The following BORCS8 variants were observed in gnomAD, a reference collection of about 807,000 sequenced individuals.
The protein encoded by BORCS8 is BLOC-1 related complex subunit 8.
A neutral mutation model predicts 18.7 loss-of-function variants in BORCS8; 13 were observed. That is an observed-to-expected ratio of 0.70 (90% CI 0.45 to 1.11). BORCS8 has a LOEUF of 1.11. Ranked by LOEUF, BORCS8 falls within the 50% of genes least tolerant of loss-of-function variation. The pLI is 0.00. For synonymous variants in BORCS8, 68 were observed against 64.8 expected (o/e 1.05, Z -0.24); for missense variants, 165 against 165.7 (o/e 1.00, Z 0.02).
Position 19,177,689 on chromosome 19 carries a change from G to GAAA in BORCS8, c.*43-230_*43-229insTTT, listed in dbSNP as rs1555777396. 5 of 57,240 alleles carry GAAA rather than the reference G, an allele frequency of 8.7e-5. 1 individual carries two copies. The highest frequency in any genetic ancestry group is 3.2e-4 in the African/African-American group (5 of 15,406). The allele number at this position is 57,240 out of a possible 1,614,324, so 3.5% of individuals were successfully genotyped here. On this transcript the variant is annotated intron_variant, in intron 5 of 5. Transcript: ENST00000462790. ...GGAAGGAAGGAAGGAAGGAAGGAAGGAAGGAAGAGAAAAGAAAAGAAAAGA... is the reference window on the plus strand; with the variant it reads ...GGAAGGAAGGAAGGAAGGAAGGAAGGAAAAAGGAAGAGAAAAGAAAAGAAAAGA...
At chr19:19,183,246 A>G (rs1469146083) in intron 3 of BORCS8, among the ~76,000 whole-genome samples, 10 of 152,020 alleles carry the variant, frequency 6.6e-5, no homozygotes, top group Admixed American at 6.5e-4. Context: ...TGTCTCTACT[A>G]AAAATACAAA....
chr19:19,190,105 G>C (rs1417266101), intron 1 of BORCS8, among the ~76,000 whole-genome samples: 2 of 152,072 alleles, frequency 1.3e-5, no homozygotes, highest in African/African-American at 4.8e-5. Context: ...GACCCTCCCT[G>C]ACTACCAAGC....
At position 19,182,780 on chromosome 19, in the gene BORCS8, C is replaced by T. The variant is rs1051372287; in HGVS notation, c.216-97G>A. 22 of 1,421,262 alleles carry T rather than the reference C, an allele frequency of 1.5e-5. No homozygotes were observed. The highest frequency in any genetic ancestry group is 1.9e-5 in the Non-Finnish European group (21 of 1,078,030). The allele number at this position is 1,421,262 out of a possible 1,614,324, so 88.0% of individuals were successfully genotyped here. On this transcript the variant is annotated intron_variant, in intron 3 of 5. Coordinates refer to ENST00000462790, the MANE Select transcript of BORCS8 (RefSeq NM_001145784.2). This position sits in a 1 kb window ranked among gnomAD's most constrained non-coding sequence, Gnocchi z 4.1. ...GTCACCACCAGGGCTCGGTGGGTAC[C>T]TCAGTGATTCTGCGGGCTTCCCGAA...
chr19:19,184,597 C>A (rs1366962139), intron 3 of BORCS8, among the ~76,000 whole-genome samples: 1 of 151,780 alleles, frequency 6.6e-6, no homozygotes, highest in African/African-American at 2.4e-5. Flanking sequence ...CCACCGCGCC[C>A]GGTCTGTTTT....
At chr19:19,191,174 G>A (rs1393758419) in intron 1 of BORCS8, among the ~76,000 whole-genome samples, 1 of 152,048 alleles carries the variant, frequency 6.6e-6, no homozygotes, top group Non-Finnish European at 1.5e-5. Context: ...GCAACAAGGT[G>A]AAACCCCGTC....
At chr19:19,192,031 C>T (rs971277991) in intron 1 of BORCS8, 50 bp downstream of exon 1, 9 of 1,549,050 alleles carry the variant, frequency 5.8e-6, no homozygotes, top group Non-Finnish European at 7.9e-6. Flanking sequence ...GTCAGGCCGC[C>T]CCTCCACAAG....
chr19:19,189,854 C>T (rs2060448579), intron 1 of BORCS8, among the ~76,000 whole-genome samples: 1 of 151,934 alleles, frequency 6.6e-6, no homozygotes, highest in African/African-American at 2.4e-5. Context: ...CAAGTGGAGG[C>T]TGCAGTGAGC....
intron 1 of BORCS8, among the ~76,000 whole-genome samples, chr19:19,188,766 G>A (rs539708843): frequency 6.6e-6 from 1 of 152,056 alleles, no homozygotes; most frequent in South Asian, 2.1e-4. Context: ...GGTGCCCCTC[G>A]CTCAGCCTCC....
intron 4 of BORCS8, 99 bp from the exon 5 acceptor site, chr19:19,180,860 A>C: frequency 1.6e-6 from 2 of 1,285,916 alleles, no homozygotes; most frequent in Non-Finnish European, 2.1e-6. Flanking sequence ...CTCTGGTCTC[A>C]AAGACCTCTG....
chr19:19,183,858 C>G (rs2060377794), intron 3 of BORCS8, among the ~76,000 whole-genome samples: 1 of 151,820 alleles, frequency 6.6e-6, no homozygotes, highest in South Asian at 2.1e-4. Context: ...GCGTGAGCCA[C>G]TGCGCTCAGC....
chr19:19,186,758 T>C (rs12609573), intron 2 of BORCS8, 135 bp downstream of exon 2: 327,924 of 595,416 alleles, frequency 0.55, 91,762 homozygotes, highest in East Asian at 0.69. Flanking sequence ...CATCTTGCCA[T>C]CTCCTTCAAA....
chr19:19,187,263 G>A (rs942374145), intron 1 of BORCS8, among the ~76,000 whole-genome samples: 1 of 152,068 alleles, frequency 6.6e-6, no homozygotes, highest in Non-Finnish European at 1.5e-5. Context: ...ATCACCTGAG[G>A]TCAGGAATTC....
chr19:19,183,709 C>G (rs11667139), intron 3 of BORCS8, among the ~76,000 whole-genome samples: 2 of 151,422 alleles, frequency 1.3e-5, no homozygotes, highest in African/African-American at 2.4e-5. Flanking sequence ...CTCAGCCTCC[C>G]AAGTAGCTGG....
At chr19:19,186,179 C>A in intron 2 of BORCS8, 81 bp from the exon 3 acceptor site, 1 of 1,299,414 alleles carries the variant, frequency 7.7e-7, no homozygotes, top group Non-Finnish European at 1.1e-6. Context: ...TTGGTTGGGG[C>A]TCTCCTGAGT....
chr19:19,182,234 G>C lies in BORCS8; in HGVS notation c.326+339C>G. On this transcript the variant is annotated intron_variant, in intron 4 of 5. Transcript: ENST00000462790. This position sits in a 1 kb window ranked among gnomAD's most constrained non-coding sequence, Gnocchi z 4.1. ...TGCATGTAACTCATGCCACCTCCTA[G>C]GAGGGGCCCCGCAGTGTTCTTCACA... 1 of 419,504 alleles carries C rather than the reference G, an allele frequency of 2.4e-6. No individual in the cohort carries two copies. The highest frequency in any genetic ancestry group is 2.1e-5 in the African/African-American group (1 of 47,720). 26.0% of individuals were successfully genotyped at this position (419,504 alleles called of 1,614,324 possible).
intron 1 of BORCS8, among the ~76,000 whole-genome samples, chr19:19,189,979 T>C (rs2060449861): frequency 6.6e-6 from 1 of 151,814 alleles, no homozygotes; most frequent in Non-Finnish European, 1.5e-5. Flanking sequence ...ACAGCAGAGC[T>C]CTAAACACTT....
At chr19:19,187,069 C>T in intron 1 of BORCS8, 64 bp from the exon 2 acceptor site, 1 of 1,319,222 alleles carries the variant, frequency 7.6e-7, no homozygotes, top group Non-Finnish European at 1.1e-6. Context: ...CCTCATTGCT[C>T]AAGTGTTGAG....
rs540889393 is a variant in BORCS8 at position 19,180,684 on chromosome 19, A to G, written c.*42+2T>C. On this transcript the variant is annotated splice_donor_variant, in intron 5 of 5. Transcript: ENST00000462790. LOFTEE classifies it low-confidence loss of function (3UTR_SPLICE). ...AGGCTCGTGGCTACCCTCGGCACTGACCTGGGTTGGCGGAGGCTGGGGGGC... is the reference window on the plus strand; with the variant it reads ...AGGCTCGTGGCTACCCTCGGCACTGGCCTGGGTTGGCGGAGGCTGGGGGGC... 6.5e-7 allele frequency: 1 copy of G among 1,539,926 alleles called. No individual in the cohort carries two copies. The highest frequency in any genetic ancestry group is 2.0e-5 in the Admixed American group (1 of 50,952).
chr19:19,187,033 G>C (rs774123904), intron 1 of BORCS8, 28 bp from the exon 2 acceptor site: 1 of 1,512,312 alleles, frequency 6.6e-7, no homozygotes, highest in Non-Finnish European at 9.0e-7. Context: ...GGATGGGGCG[G>C]GTGTGGGGAG....
Sources: allele counts gnomAD v4.1 joint callset (sites outside exome capture counted in the v4.1 genomes callset), GRCh38; gene constraint gnomAD v4.1.1; non-coding constraint Gnocchi (gnomAD v3.1); transcripts MANE v1.5; gene names NCBI Gene and HGNC (gene_info 2026-07-23, HGNC 2026-07-21).